Variants in QTMAN observed in about 807,000 individuals in gnomAD.
The protein encoded by QTMAN is tRNA-queuosine alpha-mannosyltransferase.
At chr2:144,087,294 T>A in the QTMAN span, among the ~76,000 whole-genome samples, 3 of 152,112 alleles carry the variant, frequency 2.0e-5, no homozygotes, top group East Asian at 5.8e-4. Context: ...GAATATCCAA[T>A]ATTCAAAATT....
the QTMAN span, among the ~76,000 whole-genome samples, chr2:144,254,338 T>C: frequency 2.6e-5 from 4 of 152,034 alleles, no homozygotes; most frequent in Non-Finnish European, 5.9e-5. Flanking sequence ...AGGAGAATCG[T>C]TTGAATCCAG....
At chr2:144,234,741 C>T in the QTMAN span, among the ~76,000 whole-genome samples, 24 of 152,302 alleles carry the variant, frequency 1.6e-4, no homozygotes, top group African/African-American at 5.3e-4. Context: ...CCACCTGAGC[C>T]TATCTAATTT....
chr2:144,113,523 T>C, the QTMAN span, among the ~76,000 whole-genome samples: 1 of 151,858 alleles, frequency 6.6e-6, no homozygotes. Flanking sequence ...CAGAAGAAGG[T>C]GATGATGAAA....
the QTMAN span, among the ~76,000 whole-genome samples, chr2:144,308,767 C>T: frequency 6.6e-6 from 1 of 151,860 alleles, no homozygotes; most frequent in East Asian, 1.9e-4. Flanking sequence ...ACAACAACAA[C>T]AATTTCTTAG....
chr2:144,271,122 C>T, the QTMAN span, among the ~76,000 whole-genome samples: 1 of 152,128 alleles, frequency 6.6e-6, no homozygotes, highest in African/African-American at 2.4e-5. Context: ...ATGTACTTCT[C>T]TTTTTGGTCT....
the QTMAN span, among the ~76,000 whole-genome samples, chr2:144,171,913 T>C: frequency 6.6e-6 from 1 of 152,176 alleles, no homozygotes; most frequent in Non-Finnish European, 1.5e-5. Flanking sequence ...AGTGGGCATT[T>C]TGAAAATCAG....
the QTMAN span, among the ~76,000 whole-genome samples, chr2:144,153,686 G>A: frequency 5.9e-5 from 9 of 152,134 alleles, no homozygotes; most frequent in Admixed American, 3.3e-4. Context: ...GAGAGACTCC[G>A]TCTCAAAGAA....
the QTMAN span, among the ~76,000 whole-genome samples, chr2:144,305,656 T>G: frequency 2.0e-5 from 3 of 152,216 alleles, no homozygotes; most frequent in Non-Finnish European, 2.9e-5. Flanking sequence ...CAGCTGAGAT[T>G]GCCTTGAATC....
the QTMAN span, among the ~76,000 whole-genome samples, chr2:144,184,498 G>T: frequency 6.6e-6 from 1 of 152,036 alleles, no homozygotes; most frequent in Non-Finnish European, 1.5e-5. Flanking sequence ...TTCAACAAAA[G>T]GCTTAGAAAC....
chr2:143,992,148 A>G, the QTMAN span, among the ~76,000 whole-genome samples: 1 of 151,640 alleles, frequency 6.6e-6, no homozygotes, highest in African/African-American at 2.4e-5. Context: ...TCTGTGTGGA[A>G]AGAAGTAGAC....
the QTMAN span, among the ~76,000 whole-genome samples, chr2:143,994,426 AG>A: frequency 6.6e-6 from 1 of 152,208 alleles, no homozygotes; most frequent in Non-Finnish European, 1.5e-5. Context: ...GTCCACATAA[AG>A]ACTTATATGC....
chr2:144,012,284 C>T, the QTMAN span, among the ~76,000 whole-genome samples: 124 of 152,274 alleles, frequency 8.1e-4, no homozygotes, highest in African/African-American at 2.9e-3. Context: ...GTATACCCCT[C>T]ACCACAGTCC....
chr2:144,160,871 TG>T, the QTMAN span, among the ~76,000 whole-genome samples: 1 of 152,168 alleles, frequency 6.6e-6, no homozygotes. Flanking sequence ...AAAACACCTT[TG>T]AGTAAAGCAG....
chr2:143,958,132 CTACTATTT>C, the QTMAN span, among the ~76,000 whole-genome samples: 109 of 152,216 alleles, frequency 7.2e-4, no homozygotes, highest in African/African-American at 2.5e-3. Context: ...TTTGGGCAGA[CTACTATTT>C]AGAGTTCCTT....
chr2:144,032,126 T>C, the QTMAN span, among the ~76,000 whole-genome samples: 2 of 152,114 alleles, frequency 1.3e-5, no homozygotes, highest in Non-Finnish European at 2.9e-5. Flanking sequence ...CAATGAGAGA[T>C]AGGAAGCACT....
At chr2:144,315,933 C>T in the QTMAN span, among the ~76,000 whole-genome samples, 1 of 152,156 alleles carries the variant, frequency 6.6e-6, no homozygotes, top group African/African-American at 2.4e-5. Context: ...CCCTGGGGGA[C>T]AAATAGCAAA....
the QTMAN span, among the ~76,000 whole-genome samples, chr2:143,969,006 T>C: frequency 4.6e-5 from 7 of 152,168 alleles, no homozygotes; most frequent in African/African-American, 7.2e-5. Flanking sequence ...CCAATCTACT[T>C]TGGTTATCAA....
At chr2:144,318,366 C>T in the QTMAN span, among the ~76,000 whole-genome samples, 90 of 152,140 alleles carry the variant, frequency 5.9e-4, no homozygotes, top group Admixed American at 1.5e-3. Flanking sequence ...GCATTTAATT[C>T]AAAATCTCTG....
the QTMAN span, among the ~76,000 whole-genome samples, chr2:144,200,624 T>C: frequency 6.6e-6 from 1 of 152,230 alleles, no homozygotes; most frequent in African/African-American, 2.4e-5. Context: ...GACAAGCTTG[T>C]TCTAGACTAA....
Sources: gnomAD v4.1 joint callset for allele counts (sites outside exome capture counted in the v4.1 genomes callset) on GRCh38, gnomAD v4.1.1 for gene constraint, MANE v1.5 for transcripts, NCBI Gene and HGNC (gene_info 2026-07-23, HGNC 2026-07-21) for gene names.